Variants in SEC31A observed in about 807,000 individuals in gnomAD.
SEC31A encodes SEC31 homolog A, COPII component.
Under a neutral mutation model 151.0 loss-of-function variants are expected in SEC31A, and 70 were observed. The observed-to-expected ratio is 0.46, with a 90% CI of 0.38 to 0.57. The LOEUF is 0.57. SEC31A is among the 20% of genes least tolerant of loss of function. The pLI is 0.00. For synonymous variants in SEC31A, 475 were observed against 505.9 expected, an observed-to-expected ratio of 0.94 and a Z score of 0.82; for missense variants, 1,330 against 1,471.2, an observed-to-expected ratio of 0.90 and a Z score of 1.57.
chr4:82,827,723 C>T (rs1022764931), intron 23 of SEC31A, 91 bp from the exon 24 acceptor site: 2 of 1,351,188 alleles, frequency 1.5e-6, no homozygotes, highest in Non-Finnish European at 2.0e-6. Flanking sequence ...TTAGGTTATA[C>T]CACGGCTAAA....
intron 20 of SEC31A, among the ~76,000 whole-genome samples, chr4:82,844,752 T>C (rs926494054): frequency 1.3e-5 from 2 of 152,250 alleles, no homozygotes; most frequent in African/African-American, 4.8e-5. Flanking sequence ...CAAAAGATGC[T>C]AACAGCCTTT....
chr4:82,897,337 C>G (rs1290195642), intron 3 of SEC31A, among the ~76,000 whole-genome samples: 1 of 152,032 alleles, frequency 6.6e-6, no homozygotes, highest in Non-Finnish European at 1.5e-5. Context: ...ACAATAATTT[C>G]AAAACTCCAT....
chr4:82,897,374 C>G (rs1720108460), intron 3 of SEC31A, among the ~76,000 whole-genome samples: 1 of 152,054 alleles, frequency 6.6e-6, no homozygotes, highest in Non-Finnish European at 1.5e-5. Flanking sequence ...AGACAGAACT[C>G]AAACAATGAA....
chr4:82,832,138 T>C (rs1186289123), intron 22 of SEC31A, among the ~76,000 whole-genome samples: 1 of 152,160 alleles, frequency 6.6e-6, no homozygotes, highest in Non-Finnish European at 1.5e-5. Context: ...GGAGGCATCA[T>C]GCTACTTGAT....
Position 82,864,485 on chromosome 4 carries a change from C to T in SEC31A, c.1311G>A (p.Glu437=), listed in dbSNP as rs200922127. Residue 437 remains glutamate, a synonymous_variant, in exon 11 of 27, where the codon GAG becomes GAA. Transcript: ENST00000395310. ...VFISQVVTEK[E]FLSRSDQLQQ... ...GAAGTTGGTCTGATCGGCTGAGGAA[C>T]TCCTTTTCTGTTACAACCTGACTAA... 24 of 1,614,150 alleles carry T rather than the reference C, an allele frequency of 1.5e-5. No homozygotes were observed. In the Middle Eastern group the frequency reaches 8.2e-4, roughly 55 times the overall value.
Position 82,881,882 on chromosome 4 carries a change from T to C in SEC31A, c.55A>G (p.Asn19Asp). 1.9e-6 allele frequency: 3 copies of C among 1,614,144 alleles called. No homozygotes were observed. Among genetic ancestry groups the C allele is most frequent in the African/African-American group, 2.7e-5 (2 of 75,072 alleles). The change falls in exon 2 of 27, where the codon AAT (asparagine) becomes GAT (aspartate). Residue 19 changes from asparagine (N) to aspartate (D), a missense_variant. By Grantham distance (23) the Asn-to-Asp change is conservative. Transcript: ENST00000395310. ...CCTGTTGCTAGGTAAATGGGGTGAT[T>C]CTGGGCAGGGCTCCATGCCTGCATG... is the stretch of plus-strand genomic sequence containing the variant. ...TAMQAWSPAQ[N>D]HPIYLATGTS...
rs1179512005 is a variant in SEC31A, at chr4:82,886,519, A to G, written c.-5+4569T>C. ...TTTGCTATTTTTAAAGATTACCACT[A>G]TCATGAGATTAAACAAGAAAACTTC... On this transcript the variant is annotated intron_variant, in intron 1 of 26. Coordinates refer to ENST00000395310, the MANE Select transcript of SEC31A (RefSeq NM_001077207.4). 2.6e-5 allele frequency among the ~76,000 whole-genome samples: 4 copies of G among 152,364 alleles called. No individual in the cohort carries two copies. The East Asian group carries it at 5.8e-4, about 22-fold the overall frequency.
intron 20 of SEC31A, chr4:82,845,278 T>C: frequency 2.6e-6 from 4 of 1,527,272 alleles, no homozygotes; most frequent in Middle Eastern, 1.7e-4. Context: ...GTAGTGACAG[T>C]AGGGGCAATT....
At chr4:82,870,937 C>A (rs1180043601) in intron 7 of SEC31A, among the ~76,000 whole-genome samples, 2 of 152,118 alleles carry the variant, frequency 1.3e-5, no homozygotes, top group African/African-American at 4.8e-5. Context: ...ATTCTATACA[C>A]TTTGGGAGGC....
intron 22 of SEC31A, among the ~76,000 whole-genome samples, chr4:82,838,794 G>A (rs546705980): frequency 7.2e-5 from 11 of 152,224 alleles, no homozygotes; most frequent in Admixed American, 5.9e-4. Flanking sequence ...AGAATTTACC[G>A]AATGAATGTT....
intron 18 of SEC31A, among the ~76,000 whole-genome samples, chr4:82,852,533 AC>A (rs1731681871): frequency 6.6e-6 from 1 of 152,096 alleles, no homozygotes; most frequent in Non-Finnish European, 1.5e-5. Flanking sequence ...AAAGGGTAAA[AC>A]AAGTGTTTTT....
rs775297196 is a variant in SEC31A at position 82,863,386 on chromosome 4, A to G, written c.1441T>C (p.Phe481Leu). 6.4e-7 allele frequency: 1 copy of G among 1,562,200 alleles called. No individual in the cohort carries two copies. The highest frequency in any genetic ancestry group is 8.6e-7 in the Non-Finnish European group (1 of 1,160,312). Reference sequence around the variant, plus strand: ...TATTTTCCACGAGAATCATCCTCAAAGTTTACCTTTAAAAAAAAAGACATA... The same window carrying G: ...TATTTTCCACGAGAATCATCCTCAAGGTTTACCTTTAAAAAAAAAGACATA... Reference protein sequence around the residue: ...KNVWSFLKVNFEDDSRGKYLE... With the variant: ...KNVWSFLKVNLEDDSRGKYLE... Residue 481 changes from phenylalanine (F) to leucine (L), a missense_variant, in exon 12 of 27, where the codon TTT becomes CTT. Transcript: ENST00000395310.
At chr4:82,882,030 A>G (rs1265214964) in intron 1 of SEC31A, 90 bp from the exon 2 acceptor site, 1 of 963,504 alleles carries the variant, frequency 1.0e-6, no homozygotes, top group Non-Finnish European at 1.7e-6. Context: ...CATACTGAAC[A>G]AACCACTACA....
chr4:82,883,420 C>T (rs1471727156), intron 1 of SEC31A, among the ~76,000 whole-genome samples: 2 of 152,044 alleles, frequency 1.3e-5, no homozygotes. Flanking sequence ...TGAATATTAC[C>T]AAGTTGTCCT....
chr4:82,869,761 A>G (rs1219331166), intron 8 of SEC31A, among the ~76,000 whole-genome samples: 1 of 152,206 alleles, frequency 6.6e-6, no homozygotes, highest in Non-Finnish European at 1.5e-5. Context: ...TAATTTTAAC[A>G]ATATAGATGA....
intron 2 of SEC31A, 145 bp from the exon 3 acceptor site, chr4:82,881,067 T>C (rs989044056): frequency 1.5e-6 from 1 of 660,176 alleles, no homozygotes; most frequent in African/African-American, 1.8e-5. Flanking sequence ...TAAATTACTA[T>C]AGCAATGAGA....
chr4:82,842,122 T>C lies in SEC31A; in HGVS notation c.2968+18A>G, dbSNP rs769994418. The C allele has an allele frequency of 1.3e-6, 2 of 1,521,800 alleles. No individual in the cohort carries two copies. The highest frequency in any genetic ancestry group is 1.8e-6 in the Non-Finnish European group (2 of 1,135,128). 94.3% of individuals were successfully genotyped at this position (1,521,800 alleles called of 1,614,324 possible). ...AAATAAAGGAGGGGGCCAAACCAAA[T>C]CCCTTTCAAGCGCAGACCTGTTCTT... is the stretch of plus-strand genomic sequence containing the variant. On this transcript the variant is annotated intron_variant, in intron 22 of 26. Transcript: ENST00000395310.
intron 17 of SEC31A, among the ~76,000 whole-genome samples, chr4:82,854,453 T>C (rs1024604706): frequency 1.3e-5 from 2 of 152,186 alleles, no homozygotes; most frequent in African/African-American, 4.8e-5. Flanking sequence ...GTTTTTATAC[T>C]AGTAGCCTTA....
intron 10 of SEC31A, 60 bp downstream of exon 10, chr4:82,866,748 T>C (rs910160036): frequency 7.5e-6 from 11 of 1,460,820 alleles, no homozygotes; most frequent in Non-Finnish European, 1.0e-5. Context: ...GACTCTATAA[T>C]AACACTTTGG....
Sources: allele counts gnomAD v4.1 joint callset (sites outside exome capture counted in the v4.1 genomes callset), GRCh38; gene constraint gnomAD v4.1.1; transcripts MANE v1.5; gene names NCBI Gene and HGNC (gene_info 2026-07-23, HGNC 2026-07-21).